MSN: variants seen among roughly 807,000 people sequenced by gnomAD.
MSN encodes epididymis luminal protein 70.
Under a neutral mutation model 48.0 loss-of-function variants are expected in MSN, and 2 were observed. That is an observed-to-expected ratio of 0.04 (90% CI 0.02 to 0.13). MSN has a LOEUF of 0.13. Among genes scored for constraint, MSN ranks in the 10% least tolerant of loss-of-function variants. The pLI is 1.00. For synonymous variants in MSN, 146 were observed against 166.9 expected (o/e 0.87, Z 0.97); for missense variants, 267 against 470.1 (o/e 0.57, Z 3.99).
chrX:65,705,168 T>G (rs1258998697), intron 1 of MSN, among the ~76,000 whole-genome samples: 2 of 111,466 alleles, frequency 1.8e-5, no homozygotes, highest in African/African-American at 6.5e-5. Context: ...TTTCCCCAGC[T>G]GTATGTTGCA....
At chrX:65,731,735 G>C in intron 5 of MSN, 103 bp from the exon 6 acceptor site, 1 of 976,430 alleles carries the variant, frequency 1.0e-6, no homozygotes, top group Non-Finnish European at 1.4e-6. Context: ...TCCCACTCCT[G>C]ATAGCAAGAT....
intron 1 of MSN, among the ~76,000 whole-genome samples, chrX:65,678,842 C>G (rs1345448231): frequency 2.7e-5 from 3 of 112,149 alleles, no homozygotes; most frequent in African/African-American, 9.7e-5. Context: ...ATTTTCTTAT[C>G]TACAAAATAG....
In MSN at chrX:65,618,072, T is replaced by C. The variant is rs1053854243; in HGVS notation, c.-22+29460T>C. 7.2e-5 allele frequency among the ~76,000 whole-genome samples: 8 copies of C among 111,142 alleles called. No homozygotes were observed. The East Asian group carries it at 8.4e-4, about 12-fold the overall frequency. ...TTTGATTGCACTGTGGTCTGAGAGA[T>C]AGTTTGTTATAATTTCTGTTCTTTT... On this transcript the variant is annotated intron_variant, in intron 1 of 3. Coordinates refer to the MSN transcript ENST00000609672.
At position 65,588,918 on chromosome X, in the gene MSN, G is replaced by A. The variant is rs1233103467; in HGVS notation, c.-22+306G>A. ...ACTCATTAAGCCCAAAGCAATTTTA[G>A]GGTGCCCAGTGGAGAGACTCACAGA... On this transcript the variant is annotated intron_variant, in intron 1 of 3. Transcript: ENST00000609672. 4 of 135,284 alleles carry A rather than the reference G, an allele frequency of 3.0e-5. No individual in the cohort carries two copies. The Admixed American group carries it at 3.7e-4, about 12-fold the overall frequency. The allele number at this position is 135,284 out of a possible 1,213,427, so 11.1% of individuals were successfully genotyped here.
intron 1 of MSN, among the ~76,000 whole-genome samples, chrX:65,657,994 T>C (rs182243632): frequency 8.9e-6 from 1 of 112,381 alleles, no homozygotes; most frequent in African/African-American, 3.2e-5. Context: ...TTGTGAGGGT[T>C]ACATTGAGGT....
intron 1 of MSN, among the ~76,000 whole-genome samples, chrX:65,684,630 G>A (rs1478611889): frequency 9.1e-6 from 1 of 110,492 alleles, no homozygotes; most frequent in Non-Finnish European, 1.9e-5. Context: ...TAGAGATGGG[G>A]TTTCATCATG....
In MSN at chrX:65,618,494, T is replaced by A. The variant is rs761878170; in HGVS notation, c.-22+29882T>A. ...CTTTGTCTCTTTTGATCTTTGTTGG[T>A]TTAAAGTCTGTTTTATCAGAGACTA... On this transcript the variant is annotated intron_variant, in intron 1 of 3. Coordinates refer to the MSN transcript ENST00000609672. 2.1e-3 allele frequency among the ~76,000 whole-genome samples: 233 copies of A among 111,502 alleles called. 3 individuals are homozygous for A. The highest frequency in any genetic ancestry group is 7.5e-3 in the African/African-American group (229 of 30,672).
At chrX:65,600,218 A>G (rs1055545989) in intron 1 of MSN, among the ~76,000 whole-genome samples, 1 of 110,912 alleles carries the variant, frequency 9.0e-6, no homozygotes, top group African/African-American at 3.3e-5. Context: ...TTATGATTGG[A>G]GTGTGTGTGT....
At chrX:65,673,802 T>C (rs2070968159) in intron 1 of MSN, among the ~76,000 whole-genome samples, 1 of 111,582 alleles carries the variant, frequency 9.0e-6, no homozygotes, top group African/African-American at 3.3e-5. Context: ...ATCTTCTTGA[T>C]GGGGGCACTA....
rs780636774 is a variant in MSN at position 65,667,794 on chromosome X, C to CGACA, written c.-46_-43dup. The CGACA allele has an allele frequency of 5.2e-5, 63 of 1,209,135 alleles. No individual in the cohort carries two copies. The South Asian group carries it at 1.1e-3, about 21-fold the overall frequency. ...TGTGTACTGCGTGCTCAGCACTGCC[C>CGACA]GACAGTCCTAGCTAAACTTCGCCAA... On this transcript the variant is annotated 5_prime_UTR_variant, in exon 1 of 13. Transcript: ENST00000360270.
At chrX:65,620,632 C>T (rs761566236) in intron 1 of MSN, among the ~76,000 whole-genome samples, 5 of 112,577 alleles carry the variant, frequency 4.4e-5, no homozygotes, top group East Asian at 2.8e-4. Context: ...GAGATGAACC[C>T]GGTACCTCAG....
chrX:65,732,483 C>T (rs1602866701), intron 6 of MSN, among the ~76,000 whole-genome samples: 1 of 111,663 alleles, frequency 9.0e-6, no homozygotes, highest in African/African-American at 3.3e-5. Context: ...TTTATTGGAT[C>T]GTGCAGGCCT....
intron 1 of MSN, among the ~76,000 whole-genome samples, chrX:65,651,819 A>C (rs1304913883): frequency 2.8e-5 from 3 of 106,729 alleles, no homozygotes; most frequent in African/African-American, 1.0e-4. Context: ...GCTGGTCTCG[A>C]ACTCCTGACC....
intron 1 of MSN, among the ~76,000 whole-genome samples, chrX:65,624,185 T>C (rs758276532): frequency 6.3e-4 from 69 of 109,848 alleles, no homozygotes; most frequent in Non-Finnish European, 1.2e-3. Flanking sequence ...CTCAAGTGAC[T>C]TTCCTGTCTC....
intron 1 of MSN, among the ~76,000 whole-genome samples, chrX:65,691,813 T>C (rs2071176028): frequency 8.9e-6 from 1 of 111,956 alleles, no homozygotes; most frequent in Admixed American, 9.5e-5. Flanking sequence ...GCTCTTTTCT[T>C]TTTCTAGAGG....
chrX:65,702,413 C>T (rs1228713539), intron 1 of MSN, among the ~76,000 whole-genome samples: 3 of 107,106 alleles, frequency 2.8e-5, no homozygotes, highest in Non-Finnish European at 5.8e-5. Context: ...CGCCTGTAAT[C>T]GCAGCACTTT....
At chrX:65,588,446 C>T in exon 1 of MSN, 1 of 480,662 alleles carries the variant, frequency 2.1e-6, no homozygotes, top group Non-Finnish European at 2.7e-6. Flanking sequence ...CTTCCCTGAG[C>T]ACACCCTGGC....
chrX:65,710,664 C>T (rs1367577864), intron 1 of MSN, among the ~76,000 whole-genome samples: 2 of 111,561 alleles, frequency 1.8e-5, no homozygotes, highest in Non-Finnish European at 1.9e-5. Context: ...CTGGATTCTA[C>T]CCTTTTTTTA....
intron 1 of MSN, chrX:65,625,613 G>A (rs2070497497): frequency 1.8e-5 from 2 of 111,833 alleles, no homozygotes; most frequent in South Asian, 7.3e-4. Context: ...TGCATGGAAT[G>A]CTTTTTCTCC....
Sources: allele counts gnomAD v4.1 joint callset (sites outside exome capture counted in the v4.1 genomes callset), GRCh38; gene constraint gnomAD v4.1.1; transcripts MANE v1.5; gene names NCBI Gene and HGNC (gene_info 2026-07-23, HGNC 2026-07-21).